The following PFDN1 variants were observed in gnomAD, a reference collection of about 807,000 sequenced individuals.
PFDN1 encodes prefoldin 1.
In PFDN1, 6 loss-of-function variants were observed where a neutral mutation model predicts 17.3. The observed-to-expected ratio is 0.35, with a 90% CI of 0.19 to 0.69. PFDN1 has a LOEUF of 0.69. Among genes scored for constraint, PFDN1 ranks in the 30% least tolerant of loss-of-function variants. The pLI is 0.65. For missense variants in PFDN1, 113 were observed against 146.2 expected, an observed-to-expected ratio of 0.77 and a Z score of 1.17; for synonymous variants, 58 against 50.1, an observed-to-expected ratio of 1.16 and a Z score of -0.67.
intron 2 of PFDN1, among the ~76,000 whole-genome samples, chr5:140,282,490 TTA>T (rs1158391633): frequency 6.6e-6 from 1 of 151,988 alleles, no homozygotes; most frequent in Non-Finnish European, 1.5e-5. Context: ...GCATTAGTGT[TTA>T]TATGAGTTCC....
chr5:140,294,340 C>T (rs1462098615), intron 2 of PFDN1, among the ~76,000 whole-genome samples: 1 of 151,948 alleles, frequency 6.6e-6, no homozygotes, highest in East Asian at 1.9e-4. Context: ...AATTTCATTT[C>T]CTAATCTCTT....
chr5:140,282,848 A>G (rs550486858), intron 2 of PFDN1, among the ~76,000 whole-genome samples: 33 of 152,364 alleles, frequency 2.2e-4, no homozygotes, highest in Middle Eastern at 6.8e-3. Flanking sequence ...AAGCTAAAAT[A>G]TATTTCAATT....
intron 1 of PFDN1, among the ~76,000 whole-genome samples, chr5:140,301,995 C>A (rs926570184): frequency 1.3e-5 from 2 of 152,164 alleles, no homozygotes; most frequent in Non-Finnish European, 2.9e-5. Context: ...AAAAGCAAGA[C>A]ACAAACACAT....
chr5:140,267,065 C>T (rs1289646560), intron 3 of PFDN1, among the ~76,000 whole-genome samples: 2 of 151,700 alleles, frequency 1.3e-5, no homozygotes, highest in South Asian at 2.1e-4. Flanking sequence ...ACACTTGCTG[C>T]GGTGCGGGTT....
intron 2 of PFDN1, among the ~76,000 whole-genome samples, chr5:140,295,557 T>C (rs891969456): frequency 1.3e-5 from 2 of 152,118 alleles, no homozygotes; most frequent in Admixed American, 6.6e-5. Flanking sequence ...AAACTAGAAA[T>C]TGGTGGTAGT....
intron 3 of PFDN1, among the ~76,000 whole-genome samples, chr5:140,266,675 G>A (rs1210410378): frequency 1.3e-5 from 2 of 152,228 alleles, no homozygotes; most frequent in Admixed American, 1.3e-4. Context: ...CCTCAGGTGA[G>A]TCAACACAGA....
At chr5:140,278,733 C>T (rs779250525) in intron 3 of PFDN1, among the ~76,000 whole-genome samples, 18 of 152,126 alleles carry the variant, frequency 1.2e-4, no homozygotes, top group Non-Finnish European at 2.5e-4. Flanking sequence ...GAAGATTCAT[C>T]ACATCTCTCA....
chr5:140,278,977 G>A (rs1765346968), intron 3 of PFDN1, among the ~76,000 whole-genome samples: 1 of 151,620 alleles, frequency 6.6e-6, no homozygotes, highest in Non-Finnish European at 1.5e-5. Context: ...CATATTAAAT[G>A]CTGAAATAAG....
At chr5:140,252,085 G>C (rs940205971) in intron 3 of PFDN1, among the ~76,000 whole-genome samples, 1 of 151,268 alleles carries the variant, frequency 6.6e-6, no homozygotes, top group Non-Finnish European at 1.5e-5. Context: ...CCATTTGTAA[G>C]ATGAGGATTT....
At chr5:140,259,037 C>G (rs891167498) in intron 3 of PFDN1, among the ~76,000 whole-genome samples, 1 of 151,968 alleles carries the variant, frequency 6.6e-6, no homozygotes, top group Non-Finnish European at 1.5e-5. Flanking sequence ...GTAAATAAAA[C>G]TAAAAAGGAG....
intron 3 of PFDN1, among the ~76,000 whole-genome samples, chr5:140,247,076 A>G (rs1384295649): frequency 1.3e-5 from 2 of 152,220 alleles, no homozygotes; most frequent in East Asian, 1.9e-4. Flanking sequence ...CACAGGACTC[A>G]GGGAAGCAGG....
chr5:140,274,179 T>C (rs1056673980), intron 3 of PFDN1, among the ~76,000 whole-genome samples: 2 of 152,224 alleles, frequency 1.3e-5, no homozygotes, highest in African/African-American at 4.8e-5. Context: ...TTAGAAGATA[T>C]AGATCTCAAT....
At chr5:140,284,189 T>C (rs922882383) in intron 2 of PFDN1, among the ~76,000 whole-genome samples, 1 of 152,236 alleles carries the variant, frequency 6.6e-6, no homozygotes, top group African/African-American at 2.4e-5. Flanking sequence ...TATACTGGAC[T>C]GTGCCAACTT....
chr5:140,265,326 G>A (rs981365352), intron 3 of PFDN1, among the ~76,000 whole-genome samples: 2 of 152,102 alleles, frequency 1.3e-5, no homozygotes, highest in East Asian at 1.9e-4. Context: ...AATGGACGCC[G>A]TCCACACCTC....
rs530104739 is a variant in PFDN1 at position 140,293,911 on chromosome 5, T to A, written c.200+6505A>T. ...TGCACAACAGGAAAAGATGTTGTTGTTTTCCCTTAGAACTCTGGGCAATGA... is the reference window on the plus strand; with the variant it reads ...TGCACAACAGGAAAAGATGTTGTTGATTTCCCTTAGAACTCTGGGCAATGA... On this transcript the variant is annotated intron_variant, in intron 2 of 3. Transcript: ENST00000261813. Among the ~76,000 whole-genome samples the A allele has an allele frequency of 2.6e-5, 4 of 152,182 alleles. No individual in the cohort carries two copies. In the South Asian group the frequency reaches 8.3e-4, roughly 32 times the overall value.
intron 2 of PFDN1, among the ~76,000 whole-genome samples, chr5:140,299,595 C>CAA (rs35272103): frequency 3.3e-5 from 3 of 91,250 alleles, no homozygotes; most frequent in African/African-American, 4.1e-5. Flanking sequence ...GACTCTGTCT[C>CAA]AAAAAAAAAA....
At chr5:140,288,964 G>A (rs940809473) in intron 2 of PFDN1, among the ~76,000 whole-genome samples, 3 of 151,498 alleles carry the variant, frequency 2.0e-5, no homozygotes, top group Non-Finnish European at 4.4e-5. Flanking sequence ...CAGCCTAGGC[G>A]ACAGAGGGAG....
intron 3 of PFDN1, among the ~76,000 whole-genome samples, chr5:140,264,621 T>A (rs1424530496): frequency 2.0e-5 from 3 of 151,696 alleles, no homozygotes; most frequent in African/African-American, 7.3e-5. Flanking sequence ...GGAGGACTGC[T>A]CAAGGCCAAG....
intron 3 of PFDN1, among the ~76,000 whole-genome samples, chr5:140,253,267 C>G (rs779635082): frequency 2.0e-5 from 3 of 152,154 alleles, no homozygotes; most frequent in African/African-American, 4.8e-5. Flanking sequence ...CCCAGGTGTG[C>G]TTTTACCTGC....
Sources: allele counts gnomAD v4.1 joint callset (sites outside exome capture counted in the v4.1 genomes callset), GRCh38; gene constraint gnomAD v4.1.1; transcripts MANE v1.5; gene names NCBI Gene and HGNC (gene_info 2026-07-23, HGNC 2026-07-21).